The following HEATR4 variants were observed in gnomAD, a reference collection of about 807,000 sequenced individuals.
HEATR4 encodes the protein HEAT repeat-containing protein 4.
HEATR4 carries 95 observed loss-of-function variants against 108.8 expected under a neutral mutation model. The ratio of observed to expected loss-of-function variants is 0.87; its 90% confidence interval spans 0.74 to 1.04. HEATR4 has a LOEUF of 1.04. HEATR4 is among the 50% of genes least tolerant of loss of function. The probability of loss-of-function intolerance (pLI) is 0.00; values close to 1 mark genes in which losing one functional copy is unlikely to be tolerated. For missense variants in HEATR4, 1,152 were observed against 1,253.8 expected, an observed-to-expected ratio of 0.92 and a Z score of 1.23; for synonymous variants, 443 against 459.4, an observed-to-expected ratio of 0.96 and a Z score of 0.46.
intron 13 of HEATR4, among the ~76,000 whole-genome samples, chr14:73,498,727 T>C (rs905297991): frequency 1.3e-5 from 2 of 152,232 alleles, no homozygotes; most frequent in Non-Finnish European, 1.5e-5. Context: ...GTAGCAGTCT[T>C]GAAACTGATC....
chr14:73,490,218 C>A (rs938829250), intron 17 of HEATR4, among the ~76,000 whole-genome samples: 19 of 152,168 alleles, frequency 1.2e-4, no homozygotes, highest in African/African-American at 4.6e-4. Flanking sequence ...CTCCACCTCC[C>A]GAGTTCAAGC....
At chr14:73,592,041 C>T in the HEATR4 span, 17 of 1,462,052 alleles carry the variant, frequency 1.2e-5, no homozygotes, top group Non-Finnish European at 1.5e-5. Context: ...CGGCCTGGCC[C>T]CGGAGCAGCG....
intron 15 of HEATR4, 100 bp downstream of exon 15, chr14:73,496,501 G>A (rs1305760138): frequency 1.4e-6 from 1 of 719,238 alleles, no homozygotes; most frequent in East Asian, 2.5e-5. Flanking sequence ...GTACTTCTAT[G>A]GTGGGAAAAA....
chr14:73,617,244 AG>A, the HEATR4 span: 1 of 1,612,132 alleles, frequency 6.2e-7, no homozygotes, highest in Non-Finnish European at 8.5e-7. Flanking sequence ...GAGCTGATGC[AG>A]GGCTGAATCC....
chr14:73,584,377 T>A, the HEATR4 span, among the ~76,000 whole-genome samples: 1 of 152,128 alleles, frequency 6.6e-6, no homozygotes, highest in South Asian at 2.1e-4. Flanking sequence ...TTCTTTCTTC[T>A]GAGGAGGCAA....
At chr14:73,515,279 T>G (rs1023500813) in intron 5 of HEATR4, among the ~76,000 whole-genome samples, 2 of 152,140 alleles carry the variant, frequency 1.3e-5, no homozygotes, top group Non-Finnish European at 2.9e-5. Context: ...GCCATTTCTG[T>G]TTTTTTCCAA....
chr14:73,535,317 C>G lies in HEATR4; in HGVS notation c.-151-5073G>C, dbSNP rs1243443285. On this transcript the variant is annotated intron_variant, in intron 1 of 17. Coordinates refer to ENST00000553558, the MANE Select transcript of HEATR4 (RefSeq NM_001220484.1). ...CATAGATTGCCATGAAAAGGTCATACCAGTTTATATATCCACCAATATGAG... is the reference window on the plus strand; with the variant it reads ...CATAGATTGCCATGAAAAGGTCATAGCAGTTTATATATCCACCAATATGAG... Among the ~76,000 whole-genome samples the G allele has an allele frequency of 2.6e-5, 3 of 113,276 alleles. 1 individual carries two copies. The highest frequency in any genetic ancestry group is 8.5e-5 in the African/African-American group (3 of 35,088). The allele number at this position is 113,276 out of a possible 152,430, so 74.3% of individuals were successfully genotyped here. A position where few individuals can be genotyped will look rare whatever the true frequency, so the allele number is the denominator to read the frequency against.
chr14:73,569,552 G>T, the HEATR4 span: 1 of 1,603,604 alleles, frequency 6.2e-7, no homozygotes, highest in Non-Finnish European at 8.5e-7. Context: ...GCGACGAGAA[G>T]GGCGCGCTTT....
At chr14:73,541,626 C>T (rs753055034) in intron 1 of HEATR4, 1 of 1,243,488 alleles carries the variant, frequency 8.0e-7, no homozygotes, top group Non-Finnish European at 1.1e-6. Flanking sequence ...AAGACCTCCC[C>T]AAGACCATGG....
At chr14:73,556,287 T>C (rs1889392936) in intron 1 of HEATR4, among the ~76,000 whole-genome samples, 1 of 111,094 alleles carries the variant, frequency 9.0e-6, no homozygotes, top group Admixed American at 1.0e-4. Flanking sequence ...TAGCCAGGCA[T>C]GGTGGCAGGC....
the HEATR4 span, among the ~76,000 whole-genome samples, chr14:73,597,384 A>ATTAT: frequency 4.7e-5 from 7 of 149,946 alleles, no homozygotes; most frequent in African/African-American, 1.5e-4. Flanking sequence ...ATGCCCGGCC[A>ATTAT]TTATTTATTT....
chr14:73,541,699 A>T lies in HEATR4; in HGVS notation c.-151-11455T>A. 4.8e-6 allele frequency: 6 copies of T among 1,241,718 alleles called. 1 individual carries two copies. The highest frequency in any genetic ancestry group is 6.4e-6 in the Non-Finnish European group (6 of 933,932). The allele number at this position is 1,241,718 out of a possible 1,614,324, so 76.9% of individuals were successfully genotyped here. A position where few individuals can be genotyped will look rare whatever the true frequency, so the allele number is the denominator to read the frequency against. On this transcript the variant is annotated intron_variant, in intron 1 of 17. Coordinates refer to ENST00000553558, the MANE Select transcript of HEATR4 (RefSeq NM_001220484.1). ...CTACTTGCTCAGTCATCCTGAGGTG[A>T]GTTCTTCTCTCAGATTTATGGGCTA...
chr14:73,580,728 AC>A, the HEATR4 span: 1 of 152,058 alleles, frequency 6.6e-6, no homozygotes, highest in African/African-American at 2.4e-5. Flanking sequence ...GAAATATATG[AC>A]CAGGTAATGG....
chr14:73,491,794 C>T, intron 17 of HEATR4: 2 of 1,590,738 alleles, frequency 1.3e-6, no homozygotes, highest in East Asian at 2.3e-5. Context: ...TGCAGTTCGG[C>T]CAGCATTTGG....
In HEATR4 at chr14:73,500,554, T is replaced by C. The variant is rs1421166878; in HGVS notation, c.2282A>G (p.Lys761Arg). ...LAAGALQIRD[K>R]MVLECLLNLM... ...GAATATGTTTCCCTGACTCACCATCTTGTCGCGGATCTGCAGGGCACCAGC... is the reference window on the plus strand; with the variant it reads ...GAATATGTTTCCCTGACTCACCATCCTGTCGCGGATCTGCAGGGCACCAGC... Residue 761 changes from lysine (K) to arginine (R), a missense_variant, in exon 12 of 18, where the codon AAG becomes AGG. Lys to Arg is a conservative substitution (Grantham distance 26). Coordinates refer to ENST00000553558, the MANE Select transcript of HEATR4 (RefSeq NM_001220484.1). 1 of 1,612,594 alleles carries C rather than the reference T, an allele frequency of 6.2e-7. No homozygotes were observed. Among genetic ancestry groups the C allele is most frequent in the Admixed American group, 1.7e-5 (1 of 59,962 alleles).
chr14:73,572,487 G>C, the HEATR4 span, among the ~76,000 whole-genome samples: 3 of 151,718 alleles, frequency 2.0e-5, no homozygotes, highest in South Asian at 6.3e-4. Flanking sequence ...CATAATCTAA[G>C]TGGTAATACT....
chr14:73,584,177 T>A, the HEATR4 span, among the ~76,000 whole-genome samples: 128 of 151,698 alleles, frequency 8.4e-4, 3 homozygotes, highest in South Asian at 0.027. Flanking sequence ...AGAAGAATCA[T>A]GAGAAAGAGG....
rs1357964604 is a variant in HEATR4, at chr14:73,538,506, G to A, written c.-151-8262C>T. 1.8e-5 allele frequency among the ~76,000 whole-genome samples: 2 copies of A among 110,426 alleles called. 1 individual carries two copies. The highest frequency in any genetic ancestry group is 2.1e-4 in the Admixed American group (2 of 9,684). The allele number at this position is 110,426 out of a possible 152,430, so 72.4% of individuals were successfully genotyped here. On this transcript the variant is annotated intron_variant, in intron 1 of 17. Transcript: ENST00000553558. ...CGGGCGCCTGTCGTCCCAGCTACTC[G>A]GGACGCTGAGGCAGAAGAATGGCAT...
At chr14:73,504,020 A>G (rs1886650074) in intron 10 of HEATR4, among the ~76,000 whole-genome samples, 1 of 151,770 alleles carries the variant, frequency 6.6e-6, no homozygotes, top group Non-Finnish European at 1.5e-5. Context: ...TGTTAAAATG[A>G]TATTGTTAAG....
Sources: allele counts gnomAD v4.1 joint callset (sites outside exome capture counted in the v4.1 genomes callset), GRCh38; gene constraint gnomAD v4.1.1; transcripts MANE v1.5; gene names NCBI Gene and HGNC (gene_info 2026-07-23, HGNC 2026-07-21).